FUT9: variants seen among roughly 807,000 people sequenced by gnomAD.
FUT9 encodes the protein fucosyltransferase 9.
FUT9 carries 15 observed loss-of-function variants against 29.7 expected under a neutral mutation model. The observed-to-expected ratio is 0.51, with a 90% CI of 0.34 to 0.78. The LOEUF is 0.78. FUT9 is among the 30% of genes least tolerant of loss of function. The pLI is 0.01. For synonymous variants in FUT9, 169 were observed against 153.7 expected, an observed-to-expected ratio of 1.10 and a Z score of -0.74; for missense variants, 319 against 425.4, an observed-to-expected ratio of 0.75 and a Z score of 2.20.
chr6:96,196,897 C>G (rs1404500810), intron 2 of FUT9, among the ~76,000 whole-genome samples: 1 of 151,954 alleles, frequency 6.6e-6, no homozygotes, highest in Non-Finnish European at 1.5e-5. Flanking sequence ...AGTTCTTACA[C>G]GGAAAGATGG....
At position 96,120,713 on chromosome 6, in the gene FUT9, A is replaced by ATT. The variant is rs11440295; in HGVS notation, c.-9+6595_-9+6596dup. 7.0e-3 allele frequency among the ~76,000 whole-genome samples: 1,026 copies of ATT among 145,594 alleles called. 10 individuals are homozygous for ATT. Among genetic ancestry groups the ATT allele is most frequent in the African/African-American group, 0.019 (752 of 39,076 alleles). On this transcript the variant is annotated intron_variant, in intron 2 of 2. Transcript: ENST00000302103. ...TTCTAAACAAAATAACATTAAGCAC[A>ATT]TTTTTTTTTTCAGTTAATTTTAGGA...
chr6:96,205,712 A>G lies in FUT9; in HGVS notation c.*1477A>G, dbSNP rs1329609590. ...GATCTTTAGTGCCTTTATTCCTTTC[A>G]GGCCAATAATCCACCCAAAAATTAG... is the stretch of plus-strand genomic sequence containing the variant. On this transcript the variant is annotated 3_prime_UTR_variant, in exon 3 of 3. Transcript: ENST00000302103. 6.0e-6 allele frequency: 1 copy of G among 166,360 alleles called. No individual in the cohort carries two copies. The highest frequency in any genetic ancestry group is 1.5e-5 in the Non-Finnish European group (1 of 68,100). 10.3% of individuals were successfully genotyped at this position (166,360 alleles called of 1,614,324 possible).
At chr6:96,043,589 G>A (rs1770507511) in intron 1 of FUT9, among the ~76,000 whole-genome samples, 2 of 152,132 alleles carry the variant, frequency 1.3e-5, no homozygotes, top group Non-Finnish European at 2.9e-5. Context: ...ATTATTAAGT[G>A]TCTTACACAT....
Position 96,045,392 on chromosome 6 carries a change from C to T in FUT9, c.-98+29180C>T, listed in dbSNP as rs986224602. Reference sequence around the variant, plus strand: ...ATTTGGCCAGACTGTCATATGCTATCCCAGCTAGATTTTGTTTTATGTTGT... The same window carrying T: ...ATTTGGCCAGACTGTCATATGCTATTCCAGCTAGATTTTGTTTTATGTTGT... On this transcript the variant is annotated intron_variant, in intron 1 of 2. Transcript: ENST00000302103. Among the ~76,000 whole-genome samples the T allele has an allele frequency of 9.2e-5, 14 of 152,272 alleles. 1 individual carries two copies. Among genetic ancestry groups the T allele is most frequent in the Admixed American group, 5.2e-4 (8 of 15,290 alleles).
intron 2 of FUT9, among the ~76,000 whole-genome samples, chr6:96,186,310 C>T (rs926272098): frequency 1.3e-5 from 2 of 151,874 alleles, no homozygotes; most frequent in South Asian, 2.1e-4. Context: ...TTATTTAATC[C>T]CAGCAAAGCT....
intron 1 of FUT9, among the ~76,000 whole-genome samples, chr6:96,038,975 C>T (rs1318939756): frequency 6.6e-6 from 1 of 152,104 alleles, no homozygotes; most frequent in Non-Finnish European, 1.5e-5. Context: ...CCCAAACAAC[C>T]AGCCTGGAAT....
intron 2 of FUT9, among the ~76,000 whole-genome samples, chr6:96,191,154 T>G (rs1435109651): frequency 6.6e-6 from 1 of 152,108 alleles, no homozygotes; most frequent in African/African-American, 2.4e-5. Context: ...TGGAGTTTGC[T>G]GGAGGTCCAC....
Position 96,211,220 on chromosome 6 carries a change from T to C in FUT9, c.*6985T>C, listed in dbSNP as rs552869463. ...AGCTGGCAGTGGTGGTGAATAGGCA[T>C]TGTTTGCATTACTAAATATATATAC... On this transcript the variant is annotated 3_prime_UTR_variant, in exon 3 of 3. Coordinates refer to ENST00000302103, the MANE Select transcript of FUT9 (RefSeq NM_006581.4). The C allele has an allele frequency of 6.0e-6, 1 of 166,798 alleles. No homozygotes were observed. 10.3% of individuals were successfully genotyped at this position (166,798 alleles called of 1,614,324 possible). A position where few individuals can be genotyped will look rare whatever the true frequency, so the allele number is the denominator to read the frequency against.
intron 2 of FUT9, among the ~76,000 whole-genome samples, chr6:96,196,097 G>C (rs1773619630): frequency 6.6e-6 from 1 of 152,116 alleles, no homozygotes; most frequent in African/African-American, 2.4e-5. Flanking sequence ...TGGAATATTA[G>C]GGGAAGAAGA....
chr6:96,158,051 C>T (rs2127978912), intron 2 of FUT9, among the ~76,000 whole-genome samples: 1 of 152,208 alleles, frequency 6.6e-6, no homozygotes, highest in East Asian at 1.9e-4. Context: ...TTAGATAAGG[C>T]CTCAACAATG....
intron 2 of FUT9, among the ~76,000 whole-genome samples, chr6:96,126,327 A>G (rs539674396): frequency 6.6e-6 from 1 of 151,616 alleles, no homozygotes; most frequent in Non-Finnish European, 1.5e-5. Context: ...ACAGGGAGCA[A>G]GCAAGAAGAA....
rs184159337 is a variant in FUT9 at position 96,095,321 on chromosome 6, T to C, written c.-97-18718T>C. Among the ~76,000 whole-genome samples, 178 of 152,248 alleles carry C rather than the reference T, an allele frequency of 1.2e-3. 1 individual carries two copies. The highest frequency in any genetic ancestry group is 4.2e-3 in the African/African-American group (173 of 41,562). On this transcript the variant is annotated intron_variant, in intron 1 of 2. Transcript: ENST00000302103. ...TTATCTAATTTCCCTCCAGTTCACA[T>C]ATCAGTTCTCAGATTCTCTTTCCAG...
In FUT9 at chr6:96,035,270, A is replaced by G. The variant is rs565782388; in HGVS notation, c.-98+19058A>G. On this transcript the variant is annotated intron_variant, in intron 1 of 2. Coordinates refer to ENST00000302103, the MANE Select transcript of FUT9 (RefSeq NM_006581.4). ...AAGTCAGAGAGAGAGAAGAGATCCT[A>G]TTTATTCTGGGAGCATTACTGAATT... Among the ~76,000 whole-genome samples, 7 of 151,716 alleles carry G rather than the reference A, an allele frequency of 4.6e-5. No homozygotes were observed. The South Asian group carries it at 1.2e-3, about 27-fold the overall frequency.
chr6:96,067,132 G>A (rs1487446641), intron 1 of FUT9, among the ~76,000 whole-genome samples: 1 of 149,444 alleles, frequency 6.7e-6, no homozygotes, highest in Admixed American at 6.7e-5. Flanking sequence ...TGATATATAT[G>A]TATACATATA....
chr6:96,101,976 T>C (rs1471841864), intron 1 of FUT9, among the ~76,000 whole-genome samples: 1 of 152,142 alleles, frequency 6.6e-6, no homozygotes, highest in Non-Finnish European at 1.5e-5. Context: ...TAGTTACTTA[T>C]TTCATTTGAT....
intron 2 of FUT9, among the ~76,000 whole-genome samples, chr6:96,183,411 C>T (rs1773345153): frequency 6.6e-6 from 1 of 151,970 alleles, no homozygotes; most frequent in Admixed American, 6.6e-5. Context: ...GTTGGACTTC[C>T]TCTTTATCTA....
intron 2 of FUT9, among the ~76,000 whole-genome samples, chr6:96,184,654 C>T (rs1773372428): frequency 6.6e-6 from 1 of 152,014 alleles, no homozygotes; most frequent in Non-Finnish European, 1.5e-5. Context: ...CATTGTGTCA[C>T]TATTGTCGTT....
At chr6:96,120,042 T>C (rs1277530124) in intron 2 of FUT9, among the ~76,000 whole-genome samples, 1 of 152,122 alleles carries the variant, frequency 6.6e-6, no homozygotes, top group African/African-American at 2.4e-5. Flanking sequence ...TCATTTGTTA[T>C]CTGTTACAAT....
chr6:96,096,892 A>G (rs1771506295), intron 1 of FUT9, among the ~76,000 whole-genome samples: 1 of 152,020 alleles, frequency 6.6e-6, no homozygotes, highest in Non-Finnish European at 1.5e-5. Context: ...CTTCCAGAAC[A>G]TAAGCTCAAT....
Sources: gnomAD v4.1 joint callset for allele counts (sites outside exome capture counted in the v4.1 genomes callset) on GRCh38, gnomAD v4.1.1 for gene constraint, MANE v1.5 for transcripts, NCBI Gene and HGNC (gene_info 2026-07-23, HGNC 2026-07-21) for gene names.